MED12L: variants seen among roughly 807,000 people sequenced by gnomAD.
The protein encoded by MED12L is mediator complex subunit 12L.
A neutral mutation model predicts 281.3 loss-of-function variants in MED12L; 60 were observed. The observed-to-expected ratio is 0.21, with a 90% CI of 0.17 to 0.26. The LOEUF (loss-of-function observed/expected upper bound fraction) is 0.26. Ranked by LOEUF, MED12L falls within the 10% of genes least tolerant of loss-of-function variation. The probability of loss-of-function intolerance (pLI) is 1.00; values close to 1 mark genes in which losing one functional copy is unlikely to be tolerated. For missense variants in MED12L, 2,146 were observed against 2,680.9 expected (o/e 0.80, Z 4.41); for synonymous variants, 974 against 987.2 (o/e 0.99, Z 0.25).
At chr3:151,206,023 C>T (rs984201548) in intron 16 of MED12L, among the ~76,000 whole-genome samples, 8 of 151,772 alleles carry the variant, frequency 5.3e-5, no homozygotes, top group African/African-American at 1.9e-4. Flanking sequence ...CAGTTCAGCC[C>T]TCTCTCTATA....
chr3:151,316,206 T>TA (rs372646132), intron 16 of MED12L, among the ~76,000 whole-genome samples: 71 of 151,022 alleles, frequency 4.7e-4, no homozygotes, highest in Middle Eastern at 3.4e-3. Flanking sequence ...TCTCTCTCTT[T>TA]AAAAAAAAAC....
rs1446727225 is a variant in MED12L at position 151,388,016 on chromosome 3, G to T, written c.5295G>T (p.Leu1765=). The change falls in exon 37 of 45, where the codon CTG becomes CTT. Residue 1765 remains leucine, a synonymous_variant. Transcript: ENST00000687756. ...PRSYYLQPLP[L]PPEEEEEEPT... is the part of the protein sequence containing the mutation. ...GTTACTACCTCCAGCCACTGCCCCTGCCTCCTGAGGAGGAAGAGGAAGAGC... is the reference window on the plus strand; with the variant it reads ...GTTACTACCTCCAGCCACTGCCCCTTCCTCCTGAGGAGGAAGAGGAAGAGC... 1.2e-6 allele frequency: 2 copies of T among 1,614,044 alleles called. No individual in the cohort carries two copies. Among genetic ancestry groups the T allele is most frequent in the East Asian group, 4.5e-5 (2 of 44,828 alleles).
chr3:151,217,111 A>G (rs1554121), intron 16 of MED12L, among the ~76,000 whole-genome samples: 67,950 of 152,070 alleles, frequency 0.45, 17,665 homozygotes, highest in Non-Finnish European at 0.57. Flanking sequence ...TGTGTAATAT[A>G]TAGTTATATG....
intron 2 of MED12L, among the ~76,000 whole-genome samples, chr3:151,111,261 T>C (rs1301010620): frequency 6.6e-6 from 1 of 152,252 alleles, no homozygotes; most frequent in African/African-American, 2.4e-5. Flanking sequence ...GCAATGCTAA[T>C]TGCCAGCCAT....
At chr3:151,199,943 C>G (rs984463690) in intron 16 of MED12L, among the ~76,000 whole-genome samples, 1 of 151,562 alleles carries the variant, frequency 6.6e-6, no homozygotes, top group Non-Finnish European at 1.5e-5. Flanking sequence ...CCAGCCTGGT[C>G]GCAAGAGTCT....
intron 42 of MED12L, among the ~76,000 whole-genome samples, chr3:151,413,553 G>A (rs1275048358): frequency 6.6e-6 from 1 of 152,136 alleles, no homozygotes; most frequent in African/African-American, 2.4e-5. Context: ...GTTTGGGAGG[G>A]CAGACGGATG....
intron 5 of MED12L, among the ~76,000 whole-genome samples, chr3:151,131,450 C>CA (rs1715381664): frequency 6.6e-6 from 1 of 151,878 alleles, no homozygotes; most frequent in Non-Finnish European, 1.5e-5. Context: ...CCCTCCCCAC[C>CA]AAAAAAATTA....
intron 16 of MED12L, among the ~76,000 whole-genome samples, chr3:151,289,192 T>C (rs1286265386): frequency 3.3e-5 from 5 of 152,226 alleles, no homozygotes; most frequent in Non-Finnish European, 7.3e-5. Context: ...TTAGATGAAC[T>C]TAATGAAGGC....
intron 16 of MED12L, chr3:151,336,993 C>T (rs1240706057): frequency 2.6e-5 from 4 of 152,088 alleles, no homozygotes; most frequent in African/African-American, 7.3e-5. Flanking sequence ...GTAAAATGTT[C>T]ATTAACCTAA....
chr3:151,245,667 T>G (rs1358195536), intron 16 of MED12L, among the ~76,000 whole-genome samples: 1 of 133,166 alleles, frequency 7.5e-6, no homozygotes, highest in Non-Finnish European at 1.6e-5. Context: ...AATATCATAC[T>G]GAATGGGCAA....
At chr3:151,285,015 G>A (rs1743284301) in intron 16 of MED12L, among the ~76,000 whole-genome samples, 1 of 152,190 alleles carries the variant, frequency 6.6e-6, no homozygotes, top group Non-Finnish European at 1.5e-5. Flanking sequence ...CTGAATGTTT[G>A]TGTCCCTCTA....
intron 4 of MED12L, among the ~76,000 whole-genome samples, chr3:151,123,872 T>G (rs1400885992): frequency 6.6e-6 from 1 of 152,252 alleles, no homozygotes; most frequent in African/African-American, 2.4e-5. Flanking sequence ...TATTTTGCCT[T>G]AATGTCATAA....
chr3:151,376,083 C>T lies in MED12L; in HGVS notation c.3922C>T (p.Leu1308Phe). Reference protein sequence around the residue: ...EPERLCTDKELILDPVLSNMQ... With the variant: ...EPERLCTDKEFILDPVLSNMQ... ...TGAAAGATTATGTACAGACAAAGAACTTATATTGGACCCTGTGCTTTCAAA... is the reference window on the plus strand; with the variant it reads ...TGAAAGATTATGTACAGACAAAGAATTTATATTGGACCCTGTGCTTTCAAA... The change falls in exon 28 of 45, where the codon CTT becomes TTT. Residue 1308 changes from leucine to phenylalanine, a missense_variant. Leu to Phe is a conservative substitution (Grantham distance 22). Transcript: ENST00000687756. 1 of 1,610,794 alleles carries T rather than the reference C, an allele frequency of 6.2e-7. No individual in the cohort carries two copies. Among genetic ancestry groups the T allele is most frequent in the Admixed American group, 1.7e-5 (1 of 59,210 alleles).
chr3:151,159,226 A>G lies in MED12L; in HGVS notation c.837+427A>G, dbSNP rs532124972. ...TTTTTATTTTGATGATTGGTCTAAG[A>G]TGTGCTTAAATTTGATGTATCTAGA... On this transcript the variant is annotated intron_variant, in intron 7 of 44. Coordinates refer to ENST00000687756, the MANE Select transcript of MED12L (RefSeq NM_001393769.1). Among the ~76,000 whole-genome samples the G allele has an allele frequency of 3.9e-5, 6 of 152,336 alleles. No individual in the cohort carries two copies. In the East Asian group the frequency reaches 9.6e-4, roughly 24 times the overall value.
intron 43 of MED12L, among the ~76,000 whole-genome samples, chr3:151,428,757 T>C (rs187061204): frequency 6.6e-6 from 1 of 152,318 alleles, no homozygotes. Context: ...CCAGTTAAAT[T>C]TGAGTTTCAG....
At chr3:151,251,209 A>C (rs1453968104) in intron 16 of MED12L, among the ~76,000 whole-genome samples, 1 of 151,796 alleles carries the variant, frequency 6.6e-6, no homozygotes, top group Non-Finnish European at 1.5e-5. Context: ...ACCACCTTGC[A>C]CCTCTGTACA....
chr3:151,283,535 C>G lies in MED12L; in HGVS notation c.2251-66524C>G, dbSNP rs9811299. 7.9e-3 allele frequency among the ~76,000 whole-genome samples: 1,211 copies of G among 152,336 alleles called. 5 individuals are homozygous for G. Among genetic ancestry groups the G allele is most frequent in the Non-Finnish European group, 0.014 (927 of 68,032 alleles). Reference sequence around the variant, plus strand: ...CTGTTGTTCCCATTTGCTTGCAAGACTCACCACGTCTTTAGACATGTCCCT... The same window carrying G: ...CTGTTGTTCCCATTTGCTTGCAAGAGTCACCACGTCTTTAGACATGTCCCT... On this transcript the variant is annotated intron_variant, in intron 16 of 44. Coordinates refer to ENST00000687756, the MANE Select transcript of MED12L (RefSeq NM_001393769.1).
intron 16 of MED12L, among the ~76,000 whole-genome samples, chr3:151,315,402 T>G (rs933117479): frequency 1.3e-5 from 2 of 152,240 alleles, no homozygotes; most frequent in Non-Finnish European, 2.9e-5. Flanking sequence ...GCATGTTATC[T>G]CTGGTTAGGG....
chr3:151,336,052 C>G (rs1185660035), intron 16 of MED12L, among the ~76,000 whole-genome samples: 1 of 152,144 alleles, frequency 6.6e-6, no homozygotes, highest in East Asian at 1.9e-4. Context: ...TGCTCTACCC[C>G]AACTTGAATG....
Sources: gnomAD v4.1 joint callset for allele counts (sites outside exome capture counted in the v4.1 genomes callset) on GRCh38, gnomAD v4.1.1 for gene constraint, MANE v1.5 for transcripts, NCBI Gene and HGNC (gene_info 2026-07-23, HGNC 2026-07-21) for gene names.